CD274: variants seen among roughly 807,000 people sequenced by gnomAD.
CD274 encodes the protein programmed cell death 1 ligand 1.
A neutral mutation model predicts 30.1 loss-of-function variants in CD274; 8 were observed. The ratio of observed to expected loss-of-function variants is 0.27; its 90% confidence interval spans 0.16 to 0.48. The LOEUF (loss-of-function observed/expected upper bound fraction) is 0.48. Ranked by LOEUF, CD274 falls within the 20% of genes least tolerant of loss-of-function variation. CD274 has a pLI of 0.99. For missense variants in CD274, 353 were observed against 346.6 expected (o/e 1.02, Z -0.15); for synonymous variants, 152 against 124.6 (o/e 1.22, Z -1.46).
intron 5 of CD274, 122 bp from the exon 6 acceptor site, chr9:5,466,648 G>A: frequency 1.4e-6 from 1 of 691,142 alleles, no homozygotes. Flanking sequence ...GTGGAATAAG[G>A]ATGTCCACCA....
chr9:5,451,151 A>C (rs909284444), intron 1 of CD274, among the ~76,000 whole-genome samples: 1 of 152,244 alleles, frequency 6.6e-6, no homozygotes, highest in Non-Finnish European at 1.5e-5. Flanking sequence ...TTTCTTAGAC[A>C]CATTGACCTT....
At chr9:5,458,575 A>T (rs6651524) in intron 3 of CD274, among the ~76,000 whole-genome samples, 35,168 of 152,078 alleles carry the variant, frequency 0.23, 4,494 homozygotes, top group East Asian at 0.49. Flanking sequence ...TAGAAAAAGT[A>T]TACATTTGTC....
chr9:5,457,049 T>G, intron 2 of CD274, 30 bp from the exon 3 acceptor site: 1 of 1,504,856 alleles, frequency 6.6e-7, no homozygotes, highest in Non-Finnish European at 9.1e-7. Flanking sequence ...AATTTTCCCT[T>G]TTCTGAAGAT....
At position 5,462,937 on chromosome 9, in the gene CD274, C is replaced by T. The variant is rs759831300; in HGVS notation, c.498C>T (p.Ile166=). Residue 166 remains isoleucine (I), a synonymous_variant, in exon 4 of 7, where the codon ATC becomes ATT. Transcript: ENST00000381577. The stretch of plus-strand genomic sequence containing the variant: ...AGGGCTACCCCAAGGCCGAAGTCAT[C>T]TGGACAAGCAGTGACCATCAAGTCC... ...QAEGYPKAEV[I]WTSSDHQVLS... is the part of the protein sequence containing the mutation. 6.2e-7 allele frequency: 1 copy of T among 1,614,070 alleles called. No homozygotes were observed. Among genetic ancestry groups the T allele is most frequent in the Non-Finnish European group, 8.5e-7 (1 of 1,179,960 alleles).
In CD274 at chr9:5,470,020, C is replaced by T; in HGVS notation, c.*2158C>T. 1 of 233,058 alleles carries T rather than the reference C, an allele frequency of 4.3e-6. No homozygotes were observed. Among genetic ancestry groups the T allele is most frequent in the Non-Finnish European group, 8.5e-6 (1 of 117,904 alleles). The allele number at this position is 233,058 out of a possible 1,614,324, so 14.4% of individuals were successfully genotyped here. ...TTCGTTGTGCTTGAACCCTTGAATG[C>T]CACCAGCTGTCATCACTACACAGCC... On this transcript the variant is annotated 3_prime_UTR_variant, in exon 7 of 7. Coordinates refer to ENST00000381577, the MANE Select transcript of CD274 (RefSeq NM_014143.4).
At chr9:5,457,019 A>C in intron 2 of CD274, 60 bp from the exon 3 acceptor site, 1 of 1,222,216 alleles carries the variant, frequency 8.2e-7, no homozygotes, top group Admixed American at 2.0e-5. Context: ...CGCTGTGCCA[A>C]TTTTGTAAAT....
At chr9:5,457,496 T>A in intron 3 of CD274, 76 bp downstream of exon 3, 1 of 1,157,082 alleles carries the variant, frequency 8.6e-7, no homozygotes, top group Non-Finnish European at 1.2e-6. Flanking sequence ...TTCATTCTTG[T>A]AAGTCCATAC....
intron 3 of CD274, among the ~76,000 whole-genome samples, chr9:5,458,389 A>G (rs1022701288): frequency 6.6e-6 from 1 of 152,130 alleles, no homozygotes; most frequent in East Asian, 1.9e-4. Flanking sequence ...TATCCCTTCC[A>G]TATCCTGTTG....
intron 5 of CD274, among the ~76,000 whole-genome samples, 172 bp from the exon 6 acceptor site, chr9:5,466,598 C>G (rs1475306996): frequency 2.0e-5 from 3 of 151,718 alleles, no homozygotes; most frequent in African/African-American, 7.3e-5. Flanking sequence ...AAGCATGTGC[C>G]CTACACTATT....
chr9:5,468,143 G>T lies in CD274; in HGVS notation c.*281G>T. 2.3e-6 allele frequency: 1 copy of T among 443,494 alleles called. No homozygotes were observed. The highest frequency in any genetic ancestry group is 3.5e-5 in the East Asian group (1 of 28,938). 27.5% of individuals were successfully genotyped at this position (443,494 alleles called of 1,614,324 possible). A position where few individuals can be genotyped will look rare whatever the true frequency, so the allele number is the denominator to read the frequency against. ...AGGGAGAAAGGATACTTCTGAACAA[G>T]GAGCCTCCAAGCAAATCATCCATTG... is the stretch of plus-strand genomic sequence containing the variant. On this transcript the variant is annotated 3_prime_UTR_variant, in exon 7 of 7. Coordinates refer to ENST00000381577, the MANE Select transcript of CD274 (RefSeq NM_014143.4).
rs1485610998 is a variant in CD274 at position 5,468,533 on chromosome 9, C to T, written c.*671C>T. On this transcript the variant is annotated 3_prime_UTR_variant, in exon 7 of 7. Transcript: ENST00000381577. The stretch of plus-strand genomic sequence containing the variant: ...TACATTGGAAGCATAAAGATCAAAC[C>T]GTTGGTTGCATAGGATGTCACCTTT... The T allele has an allele frequency of 1.3e-5, 3 of 233,004 alleles. No homozygotes were observed. Among genetic ancestry groups the T allele is most frequent in the East Asian group, 6.0e-5 (1 of 16,554 alleles). 14.4% of individuals were successfully genotyped at this position (233,004 alleles called of 1,614,324 possible). A position where few individuals can be genotyped will look rare whatever the true frequency, so the allele number is the denominator to read the frequency against.
At position 5,470,539 on chromosome 9, in the gene CD274, T is replaced by A. The variant is rs1819573008; in HGVS notation, c.*2677T>A. ...GTTTATTTTGTGTTTAATAAAATGT[T>A]CAGTTTAACATCCCAGTGGAGAAAG... is the stretch of plus-strand genomic sequence containing the variant. On this transcript the variant is annotated 3_prime_UTR_variant, in exon 7 of 7. Transcript: ENST00000381577. The A allele has an allele frequency of 4.9e-6, 1 of 203,478 alleles. No individual in the cohort carries two copies. The highest frequency in any genetic ancestry group is 2.3e-5 in the African/African-American group (1 of 43,770). The allele number at this position is 203,478 out of a possible 1,614,324, so 12.6% of individuals were successfully genotyped here.
Position 5,463,093 on chromosome 9 carries a change from A to G in CD274, c.654A>G (p.Glu218=), listed in dbSNP as rs2131224518. The change falls in exon 4 of 7, where the codon GAA becomes GAG. Residue 218 remains glutamate (E), a synonymous_variant. Coordinates refer to ENST00000381577, the MANE Select transcript of CD274 (RefSeq NM_014143.4). ...CTTTTAGGAGATTAGATCCTGAGGA[A>G]AACCATACAGCTGAATTGGTCATCC... ...YCTFRRLDPE[E]NHTAELVIPE... is the part of the protein sequence containing the mutation. 6.2e-7 allele frequency: 1 copy of G among 1,613,954 alleles called. No individual in the cohort carries two copies. Among genetic ancestry groups the G allele is most frequent in the Non-Finnish European group, 8.5e-7 (1 of 1,179,836 alleles).
chr9:5,467,618 G>A (rs1819518895), intron 6 of CD274, among the ~76,000 whole-genome samples: 1 of 152,124 alleles, frequency 6.6e-6, no homozygotes, highest in South Asian at 2.1e-4. Flanking sequence ...TGTTGTTTGG[G>A]TCATGCTGGG....
At chr9:5,466,852 G>T (rs1015658438) in intron 6 of CD274, 23 bp downstream of exon 6, 15 of 1,563,800 alleles carry the variant, frequency 9.6e-6, no homozygotes, top group African/African-American at 5.5e-5. Flanking sequence ...GAAGGAATTG[G>T]GAAGTAAAAG....
At chr9:5,452,072 C>G (rs1819215700) in intron 1 of CD274, among the ~76,000 whole-genome samples, 1 of 140,548 alleles carries the variant, frequency 7.1e-6, no homozygotes, top group East Asian at 2.1e-4. Flanking sequence ...GTTGCCCATG[C>G]TGGAGTGCAG....
intron 3 of CD274, 140 bp from the exon 4 acceptor site, chr9:5,462,694 C>CG (rs1819425427): frequency 1.4e-6 from 1 of 695,794 alleles, no homozygotes; most frequent in Admixed American, 2.8e-5. Context: ...GTGTTCCCCA[C>CG]GGCTGAGGCA....
intron 1 of CD274, among the ~76,000 whole-genome samples, chr9:5,454,784 G>A (rs1819271062): frequency 6.6e-6 from 1 of 152,024 alleles, no homozygotes; most frequent in Admixed American, 6.6e-5. Context: ...GGGTAAGAAA[G>A]CCTATTTGTT....
At position 5,468,764 on chromosome 9, in the gene CD274, T is replaced by A. The variant is rs1318769325; in HGVS notation, c.*902T>A. ...TGAGGAAGCAAACAGATTAAGTAACTTGCCCAAACCAGTAAATAGCAGACC... is the reference window on the plus strand; with the variant it reads ...TGAGGAAGCAAACAGATTAAGTAACATGCCCAAACCAGTAAATAGCAGACC... On this transcript the variant is annotated 3_prime_UTR_variant, in exon 7 of 7. Coordinates refer to ENST00000381577, the MANE Select transcript of CD274 (RefSeq NM_014143.4). 4.3e-6 allele frequency: 1 copy of A among 233,006 alleles called. No individual in the cohort carries two copies. The highest frequency in any genetic ancestry group is 6.0e-5 in the East Asian group (1 of 16,586). The allele number at this position is 233,006 out of a possible 1,614,324, so 14.4% of individuals were successfully genotyped here. A position where few individuals can be genotyped will look rare whatever the true frequency, so the allele number is the denominator to read the frequency against.
Sources: gnomAD v4.1 joint callset for allele counts (sites outside exome capture counted in the v4.1 genomes callset) on GRCh38, gnomAD v4.1.1 for gene constraint, MANE v1.5 for transcripts, NCBI Gene and HGNC (gene_info 2026-07-23, HGNC 2026-07-21) for gene names.